The following DCAF5 variants were observed in gnomAD, a reference collection of about 807,000 sequenced individuals.
DCAF5 encodes the protein DDB1- and CUL4-associated factor 5.
Under a neutral mutation model 80.7 loss-of-function variants are expected in DCAF5, and 9 were observed. The observed-to-expected ratio is 0.11, with a 90% CI of 0.07 to 0.19. DCAF5 has a LOEUF of 0.19. DCAF5 is among the 10% of genes least tolerant of loss of function. The pLI is 1.00. For missense variants in DCAF5, 842 were observed against 1,205.7 expected (o/e 0.70, Z 4.47); for synonymous variants, 433 against 461.9 (o/e 0.94, Z 0.80).
At position 69,051,427 on chromosome 14, in the gene DCAF5, A is replaced by T. The variant is rs1338581644; in HGVS notation, c.*2430T>A. ...ACAAAATCTCTGGAGATGAGGGTGG[A>T]GCAGCTATAAAGCAAGCATTTCTCA... On this transcript the variant is annotated 3_prime_UTR_variant, in exon 9 of 9. Transcript: ENST00000341516. 6.6e-6 allele frequency: 1 copy of T among 152,270 alleles called. No homozygotes were observed. The highest frequency in any genetic ancestry group is 6.5e-5 in the Admixed American group (1 of 15,272). The allele number at this position is 152,270 out of a possible 1,614,324, so 9.4% of individuals were successfully genotyped here.
At chr14:69,121,965 T>C (rs552874457) in intron 2 of DCAF5, among the ~76,000 whole-genome samples, 13 of 151,994 alleles carry the variant, frequency 8.6e-5, no homozygotes, top group African/African-American at 3.1e-4. Context: ...CAGACTGCAA[T>C]GTGAAAAGTT....
chr14:69,098,754 CG>C (rs1394872108), intron 5 of DCAF5, among the ~76,000 whole-genome samples: 6 of 146,886 alleles, frequency 4.1e-5, no homozygotes, highest in Non-Finnish European at 9.0e-5. Context: ...AAAAATTAGC[CG>C]GGCGTAGTGG....
intron 8 of DCAF5, 150 bp downstream of exon 8, chr14:69,062,234 T>C: frequency 1.1e-6 from 1 of 871,124 alleles, no homozygotes; most frequent in Non-Finnish European, 1.7e-6. Context: ...TAATATCAGC[T>C]TTCTAATATT....
intron 2 of DCAF5, among the ~76,000 whole-genome samples, chr14:69,121,497 TAAAGTTA>T (rs2040716679): frequency 6.6e-6 from 1 of 152,232 alleles, no homozygotes. Flanking sequence ...AGCAATTTCT[TAAAGTTA>T]AACCTAATAG....
intron 1 of DCAF5, among the ~76,000 whole-genome samples, chr14:69,140,665 A>G (rs938333079): frequency 1.3e-5 from 2 of 152,228 alleles, no homozygotes; most frequent in African/African-American, 4.8e-5. Flanking sequence ...AAACAGTATA[A>G]TAAGAACTAT....
intron 7 of DCAF5, among the ~76,000 whole-genome samples, chr14:69,073,284 C>T (rs2038771272): frequency 6.6e-6 from 1 of 152,124 alleles, no homozygotes; most frequent in Non-Finnish European, 1.5e-5. Context: ...ACTAGGGATG[C>T]ATGTGCACAG....
At chr14:69,117,617 A>G (rs1055321208) in intron 4 of DCAF5, among the ~76,000 whole-genome samples, 6 of 152,180 alleles carry the variant, frequency 3.9e-5, no homozygotes, top group Admixed American at 1.3e-4. Context: ...AACTTCAGAG[A>G]AAGTCAACAA....
intron 8 of DCAF5, among the ~76,000 whole-genome samples, chr14:69,062,142 C>G (rs2038238473): frequency 6.6e-6 from 1 of 152,004 alleles, no homozygotes; most frequent in Non-Finnish European, 1.5e-5. Flanking sequence ...GCCTCAAACT[C>G]TTAGGCTGAA....
chr14:69,130,587 T>C (rs1208480660), intron 1 of DCAF5, among the ~76,000 whole-genome samples: 2 of 152,222 alleles, frequency 1.3e-5, no homozygotes, highest in African/African-American at 2.4e-5. Flanking sequence ...TTATGTTGTA[T>C]ACATTTCACA....
At chr14:69,089,485 A>C (rs1417225094) in intron 6 of DCAF5, 1 of 152,212 alleles carries the variant, frequency 6.6e-6, no homozygotes. Flanking sequence ...AGAGAGAATA[A>C]AATACCCATA....
At position 69,119,229 on chromosome 14, in the gene DCAF5, G is replaced by A. The variant is rs2040632949; in HGVS notation, c.360C>T (p.Gly120=). The A allele has an allele frequency of 6.2e-7, 1 of 1,613,248 alleles. No homozygotes were observed. The highest frequency in any genetic ancestry group is 1.3e-5 in the African/African-American group (1 of 74,920). The part of the protein sequence containing the change: ...NSGNTKVFSG[G]NDEQVILHDV... Reference sequence around the variant, plus strand: ...CATGGAGGATAACTTGCTCATCATTGCCTGCAAAAGAAAAAAGCAGACATC... The same window carrying A: ...CATGGAGGATAACTTGCTCATCATTACCTGCAAAAGAAAAAAGCAGACATC... The change falls in exon 3 of 9, where the codon GGC becomes GGT. Residue 120 remains glycine (G), a splice_region_variant and synonymous_variant. Transcript: ENST00000341516.
chr14:69,084,925 C>T, intron 6 of DCAF5: 5 of 1,426,766 alleles, frequency 3.5e-6, no homozygotes, highest in Non-Finnish European at 4.9e-6. Context: ...GTGGGTAGAA[C>T]AGCCAGAGAC....
At chr14:69,072,623 TAA>T (rs57781214) in intron 7 of DCAF5, among the ~76,000 whole-genome samples, 10,943 of 116,118 alleles carry the variant, frequency 0.094, 544 homozygotes, top group Admixed American at 0.14. Context: ...ACCCTGACTT[TAA>T]AAAAAAAAAA....
At chr14:69,065,918 T>C (rs2038418877) in intron 7 of DCAF5, among the ~76,000 whole-genome samples, 1 of 152,150 alleles carries the variant, frequency 6.6e-6, no homozygotes, top group African/African-American at 2.4e-5. Context: ...CTCTTAAGAC[T>C]GTGGGTAAGG....
intron 8 of DCAF5, among the ~76,000 whole-genome samples, chr14:69,058,557 G>A (rs1213871501): frequency 6.7e-6 from 1 of 150,082 alleles, no homozygotes; most frequent in African/African-American, 2.4e-5. Context: ...TATATGGCTA[G>A]ACATGTCTCA....
At chr14:69,098,874 C>A (rs1417696144) in intron 5 of DCAF5, among the ~76,000 whole-genome samples, 1 of 116,918 alleles carries the variant, frequency 8.6e-6, no homozygotes, top group African/African-American at 3.4e-5. Flanking sequence ...GCCTGGCCGA[C>A]TGAGCGAGAC....
chr14:69,098,674 G>T (rs1471115892), intron 5 of DCAF5, among the ~76,000 whole-genome samples: 4 of 144,424 alleles, frequency 2.8e-5, no homozygotes, highest in African/African-American at 1.0e-4. Flanking sequence ...ACGAGGTCAG[G>T]AGATCAAGAC....
intron 5 of DCAF5, among the ~76,000 whole-genome samples, chr14:69,101,542 CAG>C (rs1350838670): frequency 6.6e-6 from 1 of 152,284 alleles, no homozygotes; most frequent in South Asian, 2.1e-4. Flanking sequence ...GCTGACGCAA[CAG>C]AGAGTCAAAG....
intron 5 of DCAF5, among the ~76,000 whole-genome samples, chr14:69,101,168 G>C (rs989466083): frequency 6.6e-6 from 1 of 152,106 alleles, no homozygotes; most frequent in Non-Finnish European, 1.5e-5. Context: ...TCTGCTTCTT[G>C]GTTCAACAAG....
Sources: gnomAD v4.1 joint callset for allele counts (sites outside exome capture counted in the v4.1 genomes callset) on GRCh38, gnomAD v4.1.1 for gene constraint, MANE v1.5 for transcripts, NCBI Gene and HGNC (gene_info 2026-07-23, HGNC 2026-07-21) for gene names.